Variants in CDIN1 observed in about 807,000 individuals in gnomAD.
The protein encoded by CDIN1 is CDAN1 interacting nuclease 1.
CDIN1 carries 33 observed loss-of-function variants against 45.3 expected under a neutral mutation model. That is an observed-to-expected ratio of 0.73 (90% confidence interval 0.55 to 0.97). The LOEUF is 0.97. Among genes scored for constraint, CDIN1 ranks in the 50% least tolerant of loss-of-function variants. The pLI is 0.00. For missense variants in CDIN1, 303 were observed against 339.4 expected (o/e 0.89, Z 0.84); for synonymous variants, 118 against 124.4 (o/e 0.95, Z 0.34).
chr15:36,618,165 A>G, intron 1 of CDIN1: 1 of 704,052 alleles, frequency 1.4e-6, no homozygotes, highest in Non-Finnish European at 2.6e-6. Flanking sequence ...TATAAAAGAC[A>G]TGCTACTGCT....
chr15:36,692,933 GTAAA>G (rs1462024257), intron 7 of CDIN1, among the ~76,000 whole-genome samples: 1 of 152,112 alleles, frequency 6.6e-6, no homozygotes, highest in African/African-American at 2.4e-5. Flanking sequence ...TATTTAAATG[GTAAA>G]TAATGAGTAA....
intron 3 of CDIN1, among the ~76,000 whole-genome samples, chr15:36,650,002 A>G (rs566962758): frequency 2.6e-5 from 4 of 152,366 alleles, no homozygotes; most frequent in Admixed American, 2.6e-4. Flanking sequence ...AACTATTTTT[A>G]TCACATATGT....
In CDIN1 at chr15:36,687,747, C is replaced by T. The variant is rs1214949829; in HGVS notation, c.347-3938C>T. ...AGGATGCAGAAGATTTGGATAATACCATTAAAATCTTAACCTACTAGACAT... is the reference window on the plus strand; with the variant it reads ...AGGATGCAGAAGATTTGGATAATACTATTAAAATCTTAACCTACTAGACAT... On this transcript the variant is annotated intron_variant, in intron 5 of 10. Coordinates refer to ENST00000566621, the MANE Select transcript of CDIN1 (RefSeq NM_001321759.2). 4.0e-5 allele frequency among the ~76,000 whole-genome samples: 6 copies of T among 151,890 alleles called. No individual in the cohort carries two copies. The South Asian group carries it at 1.3e-3, about 32-fold the overall frequency.
At chr15:36,769,411 T>G (rs1350791428) in intron 10 of CDIN1, among the ~76,000 whole-genome samples, 1 of 152,180 alleles carries the variant, frequency 6.6e-6, no homozygotes, top group African/African-American at 2.4e-5. Context: ...GTTAAAGTCC[T>G]GAGGCAGAAT....
In CDIN1 at chr15:36,657,910, G is replaced by A. The variant is rs2040846260; in HGVS notation, c.346+5G>A. 3.1e-6 allele frequency: 5 copies of A among 1,607,492 alleles called. No individual in the cohort carries two copies. The highest frequency in any genetic ancestry group is 2.7e-5 in the African/African-American group (2 of 74,718). On this transcript the variant is annotated splice_donor_5th_base_variant and intron_variant, in intron 5 of 10. Transcript: ENST00000566621. ...AGGAACACGAGGAAACTCCACGTGA[G>A]TTACCCTTTTTTCCTAATGGTACTC... is the stretch of plus-strand genomic sequence containing the variant.
intron 3 of CDIN1, among the ~76,000 whole-genome samples, chr15:36,646,400 T>TA (rs1437716053): frequency 6.6e-6 from 1 of 152,124 alleles, no homozygotes; most frequent in Non-Finnish European, 1.5e-5. Flanking sequence ...CAAAGAAAGA[T>TA]AACATGCACT....
At chr15:36,772,012 G>A (rs1209961158) in intron 10 of CDIN1, among the ~76,000 whole-genome samples, 1 of 151,946 alleles carries the variant, frequency 6.6e-6, no homozygotes, top group Non-Finnish European at 1.5e-5. Context: ...CATTCATGCT[G>A]TTAAAAGAAA....
chr15:36,617,636 T>A, intron 1 of CDIN1: 1 of 769,262 alleles, frequency 1.3e-6, no homozygotes, highest in Non-Finnish European at 2.4e-6. Context: ...TCTCCCATGG[T>A]ACAAATTGAT....
Position 36,808,879 on chromosome 15 carries a change from C to T in CDIN1, c.*426C>T, listed in dbSNP as rs1172349462. 2.2e-6 allele frequency: 1 copy of T among 456,480 alleles called. No individual in the cohort carries two copies. The highest frequency in any genetic ancestry group is 4.4e-6 in the Non-Finnish European group (1 of 226,920). The allele number at this position is 456,480 out of a possible 1,614,324, so 28.3% of individuals were successfully genotyped here. A position where few individuals can be genotyped will look rare whatever the true frequency, so the allele number is the denominator to read the frequency against. On this transcript the variant is annotated 3_prime_UTR_variant, in exon 11 of 11. Transcript: ENST00000566621. ...CCTCCGTTCACTGTCTCTCCCTCTC[C>T]CTTTCTCTTCATGTGCACTCACAGA... is the stretch of plus-strand genomic sequence containing the variant.
chr15:36,641,480 A>C (rs1426349552), intron 1 of CDIN1: 1 of 152,222 alleles, frequency 6.6e-6, no homozygotes, highest in Non-Finnish European at 1.5e-5. Context: ...CTTTACCCAG[A>C]CAGCTGTAGG....
At chr15:36,735,281 C>T (rs1280905718) in intron 10 of CDIN1, among the ~76,000 whole-genome samples, 2 of 152,114 alleles carry the variant, frequency 1.3e-5, no homozygotes, top group African/African-American at 4.8e-5. Context: ...TGTACCTCAT[C>T]TCTTAATTAA....
rs2055330838 is a variant in CDIN1, at chr15:36,809,379, C to T, written c.*926C>T. On this transcript the variant is annotated 3_prime_UTR_variant, in exon 11 of 11. Transcript: ENST00000566621. ...TTTTATACCATGTAATTATAAAACA[C>T]TCGAGTAAGTTCAGCATTAGAAATG... The T allele has an allele frequency of 6.5e-6, 1 of 152,758 alleles. No homozygotes were observed. The highest frequency in any genetic ancestry group is 2.4e-5 in the African/African-American group (1 of 41,412). 9.5% of individuals were successfully genotyped at this position (152,758 alleles called of 1,614,324 possible). A position where few individuals can be genotyped will look rare whatever the true frequency, so the allele number is the denominator to read the frequency against.
intron 1 of CDIN1, among the ~76,000 whole-genome samples, chr15:36,603,787 C>G (rs1261686651): frequency 1.3e-5 from 2 of 152,012 alleles, no homozygotes; most frequent in African/African-American, 2.4e-5. Context: ...ACAGAGAACC[C>G]TGAAAAAAGA....
At chr15:36,762,861 A>G (rs2053809211) in intron 10 of CDIN1, among the ~76,000 whole-genome samples, 1 of 152,056 alleles carries the variant, frequency 6.6e-6, no homozygotes, top group African/African-American at 2.4e-5. Context: ...CATGGTGTAT[A>G]TGTGCCACAT....
intron 1 of CDIN1, among the ~76,000 whole-genome samples, chr15:36,584,970 A>G (rs372471362): frequency 6.6e-6 from 1 of 151,896 alleles, no homozygotes; most frequent in South Asian, 2.1e-4. Flanking sequence ...AGGACATACT[A>G]CATTTGAAGT....
At chr15:36,617,472 A>T in intron 1 of CDIN1, 1 of 953,476 alleles carries the variant, frequency 1.0e-6, no homozygotes, top group Non-Finnish European at 1.7e-6. Context: ...AACAATTAGA[A>T]TTCTGGTTTT....
chr15:36,760,983 C>T (rs1311876722), intron 10 of CDIN1, among the ~76,000 whole-genome samples: 2 of 152,188 alleles, frequency 1.3e-5, no homozygotes, highest in South Asian at 2.1e-4. Flanking sequence ...ATAGTTTTTA[C>T]ACTCTCATTG....
chr15:36,668,950 G>C (rs528273756), intron 5 of CDIN1: 1 of 152,192 alleles, frequency 6.6e-6, no homozygotes, highest in South Asian at 2.1e-4. Context: ...TATAGTAATA[G>C]GCAGTAATAT....
chr15:36,602,731 GGGAGGCCGA>G (rs2038166933), intron 1 of CDIN1, among the ~76,000 whole-genome samples: 1 of 152,184 alleles, frequency 6.6e-6, no homozygotes, highest in Non-Finnish European at 1.5e-5. Context: ...CCAGCACTTT[GGGAGGCCGA>G]GGCGGGCAGA....
Sources: gnomAD v4.1 joint callset for allele counts (sites outside exome capture counted in the v4.1 genomes callset) on GRCh38, gnomAD v4.1.1 for gene constraint, MANE v1.5 for transcripts, NCBI Gene and HGNC (gene_info 2026-07-23, HGNC 2026-07-21) for gene names.